Variants in SEM1 observed in about 807,000 individuals in gnomAD.
SEM1 encodes 26S proteasome complex subunit SEM1.
SEM1 carries 3 observed loss-of-function variants against 12.7 expected under a neutral mutation model. That is an observed-to-expected ratio of 0.24 (90% CI 0.11 to 0.61). SEM1 has a LOEUF of 0.61. SEM1 is among the 20% of genes least tolerant of loss of function. The pLI, the probability that SEM1 is intolerant of heterozygous loss-of-function variation, is 0.88. For synonymous variants in SEM1, 30 were observed against 27.8 expected, an observed-to-expected ratio of 1.08 and a Z score of -0.25; for missense variants, 59 against 81.3, an observed-to-expected ratio of 0.73 and a Z score of 1.06.
downstream of SEM1, among the ~76,000 whole-genome samples, chr7:96,684,901 T>C (rs1208059142): frequency 6.6e-6 from 1 of 152,058 alleles, no homozygotes; most frequent in Non-Finnish European, 1.5e-5. Flanking sequence ...AGAGAACATA[T>C]GGATACAGCA....
chr7:96,645,489 A>C (rs2116412920), intron 2 of SEM1: 1 of 321,860 alleles, frequency 3.1e-6, no homozygotes, highest in Admixed American at 4.9e-5. Context: ...CAGGTAGACA[A>C]GTTGGGTGTT....
At chr7:96,654,886 T>C (rs1809128072) in intron 2 of SEM1, among the ~76,000 whole-genome samples, 1 of 152,080 alleles carries the variant, frequency 6.6e-6, no homozygotes, top group Non-Finnish European at 1.5e-5. Context: ...CAATTCGCAG[T>C]CACAGGTGTA....
intron 2 of SEM1, among the ~76,000 whole-genome samples, chr7:96,524,257 AG>A (rs1365324219): frequency 6.6e-6 from 1 of 152,136 alleles, no homozygotes; most frequent in Non-Finnish European, 1.5e-5. Context: ...CATCACCCCT[AG>A]GACAGGACCT....
chr7:96,516,306 C>G (rs1231901541), intron 2 of SEM1, among the ~76,000 whole-genome samples: 1 of 152,006 alleles, frequency 6.6e-6, no homozygotes, highest in Non-Finnish European at 1.5e-5. Flanking sequence ...AAGTCACAAG[C>G]CAGGAGAAAA....
upstream of SEM1, among the ~76,000 whole-genome samples, chr7:96,500,122 T>A (rs1803463130): frequency 6.6e-6 from 1 of 151,908 alleles, no homozygotes; most frequent in African/African-American, 2.4e-5. Context: ...CAAATAGGAG[T>A]TTAAGAACCC....
At chr7:96,585,237 G>A (rs1222260840) in intron 2 of SEM1, among the ~76,000 whole-genome samples, 3 of 152,216 alleles carry the variant, frequency 2.0e-5, no homozygotes, top group African/African-American at 7.2e-5. Context: ...CGTGTGAGGT[G>A]TCAGTCTGCC....
At chr7:96,608,988 A>G (rs1807465670) in intron 2 of SEM1, among the ~76,000 whole-genome samples, 1 of 152,190 alleles carries the variant, frequency 6.6e-6, no homozygotes, top group African/African-American at 2.4e-5. Context: ...ATAAATACCC[A>G]ATCGTATTTA....
intron 2 of SEM1, among the ~76,000 whole-genome samples, chr7:96,590,429 C>G (rs926951713): frequency 1.3e-5 from 2 of 152,102 alleles, no homozygotes; most frequent in Non-Finnish European, 2.9e-5. Context: ...GGAAACTCCA[C>G]GAACAAGCAC....
chr7:96,632,971 G>T (rs1004632758), intron 2 of SEM1, among the ~76,000 whole-genome samples: 4 of 151,870 alleles, frequency 2.6e-5, no homozygotes, highest in Admixed American at 2.0e-4. Context: ...ACAATAACTG[G>T]TGTAGAGTTT....
chr7:96,694,812 G>C lies in SEM1; in HGVS notation c.156C>G (p.Phe52Leu), dbSNP rs765336906. The stretch of plus-strand genomic sequence containing the variant: ...TTAAAACTTACCGTAACTGATTAGA[G>C]AAGTCATCCTCTACATTGTCATCAT... ...NWDDDNVEDD[F>L]SNQLRAELEK... Residue 52 changes from phenylalanine (F) to leucine (L), a missense_variant, in exon 2 of 3, where the codon TTC becomes TTG. Coordinates refer to ENST00000248566, the MANE Select transcript of SEM1 (RefSeq NM_006304.2). The C allele has an allele frequency of 2.5e-6, 4 of 1,606,396 alleles. No individual in the cohort carries two copies. In the South Asian group the frequency reaches 4.4e-5, roughly 18 times the overall value.
chr7:96,496,977 C>G (rs1298455793), upstream of SEM1, among the ~76,000 whole-genome samples: 1 of 150,738 alleles, frequency 6.6e-6, no homozygotes. Context: ...CCTGGGTCTC[C>G]TATACACACA....
intron 2 of SEM1, chr7:96,656,520 T>C (rs1563100314): frequency 6.6e-6 from 1 of 151,994 alleles, no homozygotes; most frequent in Non-Finnish European, 1.5e-5. Context: ...TGATTAATTT[T>C]GCACTTAAGC....
chr7:96,528,171 A>G (rs1245340659), intron 2 of SEM1, among the ~76,000 whole-genome samples: 2 of 152,040 alleles, frequency 1.3e-5, no homozygotes, highest in Admixed American at 6.6e-5. Context: ...CATTGTATGT[A>G]TGCTCATTTG....
intron 2 of SEM1, chr7:96,484,940 C>T (rs1802694232): frequency 5.1e-6 from 4 of 777,412 alleles, no homozygotes; most frequent in Non-Finnish European, 7.6e-6. Flanking sequence ...AACACCATAT[C>T]CTACAGTCAG....
chr7:96,692,963 G>A (rs1260661041), intron 2 of SEM1, among the ~76,000 whole-genome samples: 3 of 151,834 alleles, frequency 2.0e-5, no homozygotes, highest in Non-Finnish European at 4.4e-5. Flanking sequence ...TTTGAGACAC[G>A]GAAATGAAAA....
At chr7:96,623,367 A>G (rs192349234) in intron 2 of SEM1, among the ~76,000 whole-genome samples, 158 of 151,696 alleles carry the variant, frequency 1.0e-3, no homozygotes, top group African/African-American at 3.7e-3. Context: ...ATAATTGCAT[A>G]ACTGCATGAG....
intron 2 of SEM1, among the ~76,000 whole-genome samples, chr7:96,598,417 A>T (rs1807073806): frequency 6.6e-6 from 1 of 151,536 alleles, no homozygotes; most frequent in African/African-American, 2.4e-5. Flanking sequence ...TTTCCCCCAA[A>T]TAGAGGAACA....
intron 2 of SEM1, among the ~76,000 whole-genome samples, chr7:96,614,438 C>G (rs949478328): frequency 2.0e-5 from 3 of 152,168 alleles, no homozygotes; most frequent in African/African-American, 7.2e-5. Flanking sequence ...AAATTAGCTC[C>G]AGCTTCAAGA....
intron 2 of SEM1, chr7:96,664,030 G>A (rs563252067): frequency 6.6e-6 from 1 of 152,320 alleles, no homozygotes; most frequent in African/African-American, 2.4e-5. Flanking sequence ...GAATGCTTGT[G>A]GGAGCACTAA....
Sources: allele counts gnomAD v4.1 joint callset (sites outside exome capture counted in the v4.1 genomes callset), GRCh38; gene constraint gnomAD v4.1.1; transcripts MANE v1.5; gene names NCBI Gene and HGNC (gene_info 2026-07-23, HGNC 2026-07-21).